Variants in OR10J1 observed in about 807,000 individuals in gnomAD.
OR10J1 encodes olfactory receptor 10J1.
For missense variants in OR10J1, 474 were observed against 376.6 expected (o/e 1.26, Z -2.14); for synonymous variants, 202 against 143.8 (o/e 1.40, Z -2.89).
chr1:159,432,935 C>T, upstream of OR10J1: 1 of 431,128 alleles, frequency 2.3e-6, no homozygotes, highest in Non-Finnish European at 4.1e-6. Flanking sequence ...TTGTGCCTCA[C>T]ACCTCACAGT....
the OR10J1 span, among the ~76,000 whole-genome samples, chr1:159,413,672 C>A: frequency 2.2e-5 from 3 of 139,480 alleles, no homozygotes; most frequent in African/African-American, 8.2e-5. Context: ...GGGAACATCA[C>A]ACTCTAGGGA....
chr1:159,430,671 G>GCGCA, the OR10J1 span, among the ~76,000 whole-genome samples: 62,393 of 149,720 alleles, frequency 0.42, 15,824 homozygotes, highest in Non-Finnish European at 0.57. Context: ...GTGTGTGTGC[G>GCGCA]CGCGCGCACA....
chr1:159,426,946 G>T, the OR10J1 span, among the ~76,000 whole-genome samples: 1 of 151,814 alleles, frequency 6.6e-6, no homozygotes, highest in Non-Finnish European at 1.5e-5. Flanking sequence ...TACTGCTTGA[G>T]ATAGGTAGTA....
chr1:159,431,351 GC>G, the OR10J1 span, among the ~76,000 whole-genome samples: 1 of 152,210 alleles, frequency 6.6e-6, no homozygotes, highest in African/African-American at 2.4e-5. Flanking sequence ...CAGAGATGGA[GC>G]AAGTTTTGAG....
chr1:159,440,784 A>T lies in OR10J1; in HGVS notation c.*63A>T. On this transcript the variant is annotated 3_prime_UTR_variant, in exon 1 of 1. Transcript: ENST00000423932. ...ACACTAGGCAGGAATATGAGGTGTA[A>T]ACTCACAAACACTTGGCTCCTAGAG... 1 of 1,525,356 alleles carries T rather than the reference A, an allele frequency of 6.6e-7. No homozygotes were observed. 94.5% of individuals were successfully genotyped at this position (1,525,356 alleles called of 1,614,324 possible).
chr1:159,414,809 A>C, the OR10J1 span, among the ~76,000 whole-genome samples: 1 of 152,058 alleles, frequency 6.6e-6, no homozygotes, highest in Non-Finnish European at 1.5e-5. Flanking sequence ...TGTGGTTTTG[A>C]TTTGAATTTC....
the OR10J1 span, among the ~76,000 whole-genome samples, chr1:159,426,707 C>T: frequency 4.3e-4 from 65 of 151,864 alleles, no homozygotes; most frequent in African/African-American, 1.5e-3. Flanking sequence ...AATGTTCACT[C>T]TTTTGATCCC....
chr1:159,415,131 A>C, the OR10J1 span, among the ~76,000 whole-genome samples: 3 of 151,992 alleles, frequency 2.0e-5, no homozygotes, highest in African/African-American at 7.2e-5. Context: ...TTCATTATAC[A>C]TAAATCTTTG....
At chr1:159,427,739 C>T in the OR10J1 span, among the ~76,000 whole-genome samples, 1 of 151,984 alleles carries the variant, frequency 6.6e-6, no homozygotes, top group Non-Finnish European at 1.5e-5. Flanking sequence ...TTTAAAGAGG[C>T]TGCTAATTGC....
the OR10J1 span, among the ~76,000 whole-genome samples, chr1:159,430,364 A>G: frequency 6.6e-6 from 1 of 152,126 alleles, no homozygotes; most frequent in South Asian, 2.1e-4. Context: ...TGAGATAGAT[A>G]TTAGCACAGT....
At chr1:159,419,372 T>C in the OR10J1 span, among the ~76,000 whole-genome samples, 12 of 152,170 alleles carry the variant, frequency 7.9e-5, no homozygotes, top group African/African-American at 2.9e-4. Context: ...CATGCTGTTC[T>C]TGTGATAGTG....
chr1:159,410,536 G>A, the OR10J1 span, among the ~76,000 whole-genome samples: 2 of 151,986 alleles, frequency 1.3e-5, no homozygotes, highest in South Asian at 4.1e-4. Context: ...TGTGGGATTG[G>A]TGGTGATATC....
the OR10J1 span, among the ~76,000 whole-genome samples, chr1:159,431,141 A>C: frequency 6.6e-6 from 1 of 152,106 alleles, no homozygotes; most frequent in Non-Finnish European, 1.5e-5. Context: ...ATATTTGGGG[A>C]TATTGGAAGA....
At chr1:159,427,919 C>A in the OR10J1 span, among the ~76,000 whole-genome samples, 1 of 152,148 alleles carries the variant, frequency 6.6e-6, no homozygotes, top group South Asian at 2.1e-4. Flanking sequence ...ATGTAATTCA[C>A]CCCTAACAAC....
chr1:159,438,683 C>T (rs887236349), upstream of OR10J1, among the ~76,000 whole-genome samples: 1 of 152,158 alleles, frequency 6.6e-6, no homozygotes, highest in Non-Finnish European at 1.5e-5. Flanking sequence ...AGAAAGTCTC[C>T]GTGCGTACTA....
At chr1:159,436,201 G>A (rs1465168209), upstream of OR10J1, among the ~76,000 whole-genome samples, 2 of 151,630 alleles carry the variant, frequency 1.3e-5, no homozygotes, top group African/African-American at 4.9e-5. Context: ...CTCCTTTCCT[G>A]TTGAGATCTC....
chr1:159,433,016 A>G (rs769377870), upstream of OR10J1: 39 of 443,100 alleles, frequency 8.8e-5, no homozygotes, highest in Non-Finnish European at 1.5e-4. Context: ...CCTGCAGGAC[A>G]GACTTATCTC....
chr1:159,418,026 A>T, the OR10J1 span, among the ~76,000 whole-genome samples: 17 of 152,182 alleles, frequency 1.1e-4, no homozygotes, highest in Admixed American at 1.1e-3. Context: ...GATTTAGGGT[A>T]TCTCGTGGAA....
Position 159,440,216 on chromosome 1 carries a change from T to A in OR10J1, c.425T>A (p.Ile142Asn). The A allele has an allele frequency of 6.2e-7, 1 of 1,614,150 alleles. No homozygotes were observed. The change falls in exon 1 of 1, where the codon ATC (isoleucine) becomes AAC (asparagine). Residue 142 changes from isoleucine (I) to asparagine (N), a missense_variant. Coordinates refer to ENST00000423932, the MANE Select transcript of OR10J1 (RefSeq NM_012351.3). The part of the protein sequence containing the change: ...YMVIMNKRLR[I>N]QLVLGACSIG... ...GTTATTATGAACAAGAGGCTGCGTA[T>A]CCAACTTGTCCTGGGGGCCTGCAGC...
Sources: gnomAD v4.1 joint callset for allele counts (sites outside exome capture counted in the v4.1 genomes callset) on GRCh38, gnomAD v4.1.1 for gene constraint, MANE v1.5 for transcripts, NCBI Gene and HGNC (gene_info 2026-07-23, HGNC 2026-07-21) for gene names.